ZNF841: variants seen among roughly 807,000 people sequenced by gnomAD.
ZNF841 encodes TCONS_00006091.
Under a neutral mutation model 13.0 loss-of-function variants are expected in ZNF841, and 11 were observed. That is an observed-to-expected ratio of 0.85 (90% CI 0.53 to 1.40). The LOEUF is 1.40. ZNF841 is among the 40% of genes most tolerant of loss of function. ZNF841 has a pLI of 0.00. For synonymous variants in ZNF841, 369 were observed against 381.6 expected (o/e 0.97, Z 0.38); for missense variants, 1,068 against 1,139.5 (o/e 0.94, Z 0.90).
Position 52,084,828 on chromosome 19 carries a change from T to C in ZNF841, c.-27A>G, listed in dbSNP as rs987740721. On this transcript the variant is annotated 5_prime_UTR_variant, in exon 4 of 7. Transcript: ENST00000594440. ...CCTGGCTCCTTTTCTTTCTTCTTTC[T>C]CTCCTGGGCCTCTCTCTCAGTCAAT... is the stretch of plus-strand genomic sequence containing the variant. The C allele has an allele frequency of 6.2e-7, 1 of 1,610,000 alleles. No homozygotes were observed. The highest frequency in any genetic ancestry group is 1.7e-5 in the Admixed American group (1 of 59,036).
At chr19:52,074,382 T>C (rs2087830153) in intron 6 of ZNF841, among the ~76,000 whole-genome samples, 1 of 152,190 alleles carries the variant, frequency 6.6e-6, no homozygotes, top group African/African-American at 2.4e-5. Flanking sequence ...CTCATTCAAC[T>C]TCATTAGCTT....
At chr19:52,060,252 C>T (rs1459973278), downstream of ZNF841, among the ~76,000 whole-genome samples, 1 of 152,216 alleles carries the variant, frequency 6.6e-6, no homozygotes, top group Non-Finnish European at 1.5e-5. Context: ...GGTGAGCTAG[C>T]CAGGAGAGAA....
intron 3 of ZNF841, among the ~76,000 whole-genome samples, chr19:52,088,077 G>A (rs2088347375): frequency 1.4e-5 from 2 of 148,050 alleles, no homozygotes; most frequent in Non-Finnish European, 1.5e-5. Flanking sequence ...CCCCCTAAAT[G>A]ATCTCTGTGA....
intron 4 of ZNF841, among the ~76,000 whole-genome samples, chr19:52,077,549 T>C (rs1305491835): frequency 6.6e-6 from 1 of 152,262 alleles, no homozygotes; most frequent in Non-Finnish European, 1.5e-5. Context: ...TTACGTGTTC[T>C]AACTCAAATG....
chr19:52,083,659 CT>C (rs1354840011), intron 4 of ZNF841, among the ~76,000 whole-genome samples: 1 of 151,726 alleles, frequency 6.6e-6, no homozygotes, highest in African/African-American at 2.4e-5. Flanking sequence ...CCTTGATGTT[CT>C]TTTTTTAGGT....
chr19:52,060,279 G>A (rs775985434), downstream of ZNF841, among the ~76,000 whole-genome samples: 8 of 152,162 alleles, frequency 5.3e-5, no homozygotes, highest in Non-Finnish European at 1.2e-4. Flanking sequence ...CCCAAAGTTT[G>A]GGATTTCTTT....
Position 52,089,472 on chromosome 19 carries a change from G to A in ZNF841, c.-143-470C>T, listed in dbSNP as rs144242501. 1.8e-3 allele frequency among the ~76,000 whole-genome samples: 274 copies of A among 151,828 alleles called. 1 individual carries two copies. The highest frequency in any genetic ancestry group is 6.3e-3 in the African/African-American group (260 of 41,378). The stretch of plus-strand genomic sequence containing the variant: ...AGACTGGGCAACATGGCAAAACCCC[G>A]AGTCTACTAAAAAATACAAAAAAAA... On this transcript the variant is annotated intron_variant, in intron 2 of 6. Coordinates refer to ENST00000594440, the MANE Select transcript of ZNF841 (RefSeq NM_001136499.2).
At position 52,067,150 on chromosome 19, in the gene ZNF841, T is replaced by C. The variant is rs766754220; in HGVS notation, c.732A>G (p.Gln244=). 15 of 1,554,906 alleles carry C rather than the reference T, an allele frequency of 9.6e-6. No individual in the cohort carries two copies. In the South Asian group the frequency reaches 1.8e-4, roughly 18 times the overall value. ...TCTCGTCTTGTGTAGGTAACGAAAG[T>C]TGCAAAAAATCATTCCCATATTTCC... is the stretch of plus-strand genomic sequence containing the variant. The part of the protein sequence containing the change: ...ISRKYGNDFL[Q]LSLPTQDEKT... The change falls in exon 7 of 7, where the codon CAA becomes CAG. Residue 244 remains glutamine (Q), a synonymous_variant. Transcript: ENST00000594440.
downstream of ZNF841, among the ~76,000 whole-genome samples, chr19:52,062,652 C>A (rs914269509): frequency 4.6e-5 from 7 of 152,100 alleles, no homozygotes; most frequent in African/African-American, 1.7e-4. Context: ...AGTCAACTAG[C>A]CTTTTTAAGA....
In ZNF841 at chr19:52,090,650, G is replaced by GAAA. The variant is rs1568549553; in HGVS notation, c.-143-1649_-143-1648insTTT. 5.9e-3 allele frequency among the ~76,000 whole-genome samples: 345 copies of GAAA among 58,862 alleles called. 3 individuals carry two copies. Among genetic ancestry groups the GAAA allele is most frequent in the African/African-American group, 0.023 (324 of 14,378 alleles). The allele number at this position is 58,862 out of a possible 152,430, so 38.6% of individuals were successfully genotyped here. A position where few individuals can be genotyped will look rare whatever the true frequency, so the allele number is the denominator to read the frequency against. ...AAGAAAGAAGGAAGGAAGGAAGGAA[G>GAAA]GAAGGAAAGAAAGAAAGAAAGAAAG... is the stretch of plus-strand genomic sequence containing the variant. On this transcript the variant is annotated intron_variant, in intron 2 of 6. Transcript: ENST00000594440.
At chr19:52,090,654 G>GGAAGGAAGGAAGGAAAGAAAGAAAGAAA (rs1183196348) in intron 2 of ZNF841, among the ~76,000 whole-genome samples, 9 of 84,646 alleles carry the variant, frequency 1.1e-4, no homozygotes, top group African/African-American at 5.4e-4. Flanking sequence ...AAGGAAGGAA[G>GGAAGGAAGGAAGGAAAGAAAGAAAGAAA]GAAAGAAAGA....
Position 52,065,002 on chromosome 19 carries a change from A to G in ZNF841, c.*105T>C, listed in dbSNP as rs897612895. 1.4e-5 allele frequency: 15 copies of G among 1,040,962 alleles called. No homozygotes were observed. In the East Asian group the frequency reaches 4.1e-4, roughly 28 times the overall value. 64.5% of individuals were successfully genotyped at this position (1,040,962 alleles called of 1,614,324 possible). ...TTGAGAAAGCCACCCCCATCATCCA[A>G]TCACCTCCCACTAGGCTCCACCTCC... On this transcript the variant is annotated 3_prime_UTR_variant, in exon 7 of 7. Transcript: ENST00000594440.
At chr19:52,094,077 C>T (rs1255274828) in intron 1 of ZNF841, 106 bp from the exon 2 acceptor site, 4 of 152,152 alleles carry the variant, frequency 2.6e-5, no homozygotes, top group Admixed American at 2.6e-4. Flanking sequence ...TTTCTTGCCC[C>T]ATTTCTCCCC....
chr19:52,084,650 G>A (rs2088210156), intron 4 of ZNF841, 137 bp downstream of exon 4: 2 of 884,072 alleles, frequency 2.3e-6, no homozygotes, highest in Non-Finnish European at 1.8e-6. Flanking sequence ...AGAAGAGAGG[G>A]ACTGAAGGAA....
At chr19:52,059,368 AAAAT>A in the ZNF841 span, among the ~76,000 whole-genome samples, 1 of 90,464 alleles carries the variant, frequency 1.1e-5, no homozygotes, top group Non-Finnish European at 2.0e-5. Context: ...AAAAAAAAAA[AAAAT>A]ATATATATAT....
At chr19:52,077,991 G>T (rs760159987) in intron 4 of ZNF841, among the ~76,000 whole-genome samples, 55 of 152,234 alleles carry the variant, frequency 3.6e-4, no homozygotes, top group Middle Eastern at 6.8e-3. Flanking sequence ...ACTTGGAACC[G>T]CATAAAGGAT....
chr19:52,074,975 TG>T (rs1422929559), intron 6 of ZNF841, among the ~76,000 whole-genome samples: 1 of 152,228 alleles, frequency 6.6e-6, no homozygotes, highest in Admixed American at 6.5e-5. Flanking sequence ...TGACAAATGC[TG>T]ATCATTCTAC....
rs750914631 is a variant in ZNF841, at chr19:52,076,176, C to G, written c.143-4G>C. On this transcript the variant is annotated splice_region_variant and splice_polypyrimidine_tract_variant and intron_variant, in intron 5 of 6. Transcript: ENST00000594440. The stretch of plus-strand genomic sequence containing the variant: ...TTCAGGTCAGGAAGACAGAGTCCTG[C>G]TTATAAAAAAAGAAAGAAGATGTCC... The G allele has an allele frequency of 1.5e-5, 23 of 1,550,600 alleles. No homozygotes were observed. Among genetic ancestry groups the G allele is most frequent in the Non-Finnish European group, 1.9e-5 (22 of 1,146,746 alleles).
chr19:52,068,461 G>A (rs927131830), intron 6 of ZNF841, among the ~76,000 whole-genome samples: 1 of 152,076 alleles, frequency 6.6e-6, no homozygotes, highest in African/African-American at 2.4e-5. Context: ...TGGATCACGA[G>A]GTCAGGAGTT....
Sources: gnomAD v4.1 joint callset for allele counts (sites outside exome capture counted in the v4.1 genomes callset) on GRCh38, gnomAD v4.1.1 for gene constraint, MANE v1.5 for transcripts, NCBI Gene and HGNC (gene_info 2026-07-23, HGNC 2026-07-21) for gene names.